The following SMURF2 variants were observed in gnomAD, a reference collection of about 807,000 sequenced individuals.
The protein encoded by SMURF2 is SMAD specific E3 ubiquitin protein ligase 2.
A neutral mutation model predicts 109.6 loss-of-function variants in SMURF2; 48 were observed. The observed-to-expected ratio is 0.44, with a 90% CI of 0.35 to 0.56. SMURF2 has a LOEUF of 0.56. Among genes scored for constraint, SMURF2 ranks in the 20% least tolerant of loss-of-function variants. The pLI is 0.01. For missense variants in SMURF2, 575 were observed against 909.0 expected (o/e 0.63, Z 4.72); for synonymous variants, 288 against 317.1 (o/e 0.91, Z 0.97).
chr17:64,636,891 A>G (rs757143570), intron 1 of SMURF2, among the ~76,000 whole-genome samples: 6 of 151,964 alleles, frequency 3.9e-5, no homozygotes, highest in Non-Finnish European at 8.8e-5. Flanking sequence ...TAGCTTTCTT[A>G]TTAGTGTCCT....
chr17:64,563,781 A>AT (rs1355043525), intron 10 of SMURF2, among the ~76,000 whole-genome samples: 1 of 152,058 alleles, frequency 6.6e-6, no homozygotes, highest in Non-Finnish European at 1.5e-5. Flanking sequence ...CCATTTTTAA[A>AT]TTTTTTTTAA....
intron 9 of SMURF2, chr17:64,572,703 T>G (rs1969414253): frequency 1.3e-5 from 2 of 152,266 alleles, no homozygotes; most frequent in Admixed American, 1.3e-4. Context: ...CACACTGAGG[T>G]ACTGGACGGT....
intron 2 of SMURF2, among the ~76,000 whole-genome samples, chr17:64,600,673 T>G (rs1969881817): frequency 6.6e-6 from 1 of 152,186 alleles, no homozygotes; most frequent in Admixed American, 6.5e-5. Flanking sequence ...TGAAGCTGAG[T>G]GCTATGCATA....
chr17:64,613,210 C>A (rs778424770), intron 1 of SMURF2, among the ~76,000 whole-genome samples: 2 of 152,142 alleles, frequency 1.3e-5, no homozygotes, highest in Non-Finnish European at 2.9e-5. Flanking sequence ...TTTTCATTCT[C>A]TGTTCTAATC....
chr17:64,655,153 T>C (rs1970689382), intron 1 of SMURF2, among the ~76,000 whole-genome samples: 2 of 151,320 alleles, frequency 1.3e-5, no homozygotes, highest in African/African-American at 4.9e-5. Flanking sequence ...TAAATAAATG[T>C]AAAAAACATA....
chr17:64,597,988 A>G (rs1166031907), intron 3 of SMURF2, among the ~76,000 whole-genome samples: 2 of 152,154 alleles, frequency 1.3e-5, no homozygotes, highest in Admixed American at 6.5e-5. Flanking sequence ...AAAGGTGCAT[A>G]TACTCCAATG....
intron 1 of SMURF2, among the ~76,000 whole-genome samples, chr17:64,614,229 T>C (rs969207664): frequency 2.6e-5 from 4 of 152,124 alleles, no homozygotes; most frequent in Non-Finnish European, 4.4e-5. Context: ...AGCTTATATA[T>C]ATGGAATTGA....
At chr17:64,557,808 ATAAT>A in intron 12 of SMURF2, 86 bp from the exon 13 acceptor site, 1 of 679,088 alleles carries the variant, frequency 1.5e-6, no homozygotes, top group Non-Finnish European at 2.5e-6. Flanking sequence ...ATTTTAGCAA[ATAAT>A]TATTTAAATT....
At chr17:64,598,590 T>C in intron 2 of SMURF2, 100 bp from the exon 3 acceptor site, 1 of 977,020 alleles carries the variant, frequency 1.0e-6, no homozygotes. Flanking sequence ...TCCATTCTTT[T>C]AAAAAAGTTT....
intron 10 of SMURF2, among the ~76,000 whole-genome samples, chr17:64,570,766 G>A (rs1340980811): frequency 6.6e-6 from 1 of 152,030 alleles, no homozygotes; most frequent in Non-Finnish European, 1.5e-5. Context: ...ATGAAATTAC[G>A]AACTTGGGGT....
intron 1 of SMURF2, among the ~76,000 whole-genome samples, chr17:64,659,389 A>G (rs1202209580): frequency 1.3e-5 from 2 of 152,180 alleles, no homozygotes; most frequent in Admixed American, 6.6e-5. Context: ...ATATAAATTC[A>G]CTGTGGGATC....
At chr17:64,558,036 T>C (rs1969150829) in intron 12 of SMURF2, among the ~76,000 whole-genome samples, 1 of 152,216 alleles carries the variant, frequency 6.6e-6, no homozygotes, top group South Asian at 2.1e-4. Flanking sequence ...TCTGTTACTT[T>C]TAATTGCCAA....
intron 5 of SMURF2, among the ~76,000 whole-genome samples, chr17:64,588,890 T>G (rs1481713033): frequency 2.0e-5 from 3 of 152,174 alleles, no homozygotes; most frequent in Non-Finnish European, 4.4e-5. Flanking sequence ...CCCAAAGTGC[T>G]GGGATTACAG....
chr17:64,546,518 C>G (rs1438594997), intron 17 of SMURF2, among the ~76,000 whole-genome samples, 180 bp from the exon 18 acceptor site: 2 of 152,184 alleles, frequency 1.3e-5, no homozygotes, highest in East Asian at 3.8e-4. Flanking sequence ...CAGAATTAAC[C>G]TTGGATAAGG....
chr17:64,626,941 A>G (rs77225238), intron 1 of SMURF2, among the ~76,000 whole-genome samples: 1 of 151,388 alleles, frequency 6.6e-6, no homozygotes, highest in Non-Finnish European at 1.5e-5. Flanking sequence ...CTAAAAAAAA[A>G]AAACAAACAA....
At chr17:64,601,399 C>T (rs1250757999) in intron 2 of SMURF2, among the ~76,000 whole-genome samples, 1 of 152,042 alleles carries the variant, frequency 6.6e-6, no homozygotes, top group Non-Finnish European at 1.5e-5. Flanking sequence ...ATAGACAATT[C>T]TCAAAAAAAG....
intron 8 of SMURF2, among the ~76,000 whole-genome samples, chr17:64,579,504 C>T (rs1184452372): frequency 6.6e-6 from 1 of 152,128 alleles, no homozygotes; most frequent in Admixed American, 6.5e-5. Context: ...TTGGTATCCA[C>T]TTTATTTTTA....
At chr17:64,566,733 G>T (rs567267641) in intron 10 of SMURF2, among the ~76,000 whole-genome samples, 1 of 145,188 alleles carries the variant, frequency 6.9e-6, no homozygotes, top group Non-Finnish European at 1.5e-5. Flanking sequence ...CACCATGCCC[G>T]GCTAATTTTT....
chr17:64,650,228 T>C (rs1970618011), intron 1 of SMURF2, among the ~76,000 whole-genome samples: 2 of 145,112 alleles, frequency 1.4e-5, no homozygotes, highest in Non-Finnish European at 3.0e-5. Context: ...TTTGAGACCA[T>C]GTCTCACTAT....
Sources: allele counts gnomAD v4.1 joint callset (sites outside exome capture counted in the v4.1 genomes callset), GRCh38; gene constraint gnomAD v4.1.1; transcripts MANE v1.5; gene names NCBI Gene and HGNC (gene_info 2026-07-23, HGNC 2026-07-21).